Variants in PPP3CC observed in about 807,000 individuals in gnomAD.
PPP3CC encodes the protein protein phosphatase 3 catalytic subunit gamma, also known as serine/threonine-protein phosphatase 2B catalytic subunit gamma isoform.
Under a neutral mutation model 60.3 loss-of-function variants are expected in PPP3CC, and 35 were observed. That is an observed-to-expected ratio of 0.58 (90% CI 0.44 to 0.77). The LOEUF (loss-of-function observed/expected upper bound fraction) is 0.77, where lower values mean the gene tolerates loss of function less well. Among genes scored for constraint, PPP3CC ranks in the 30% least tolerant of loss-of-function variants. PPP3CC has a pLI of 0.00. For missense variants in PPP3CC, 570 were observed against 628.9 expected (o/e 0.91, Z 1.00); for synonymous variants, 206 against 224.3 (o/e 0.92, Z 0.73).
At chr8:22,503,282 T>G (rs1314213993) in intron 4 of PPP3CC, among the ~76,000 whole-genome samples, 1 of 152,190 alleles carries the variant, frequency 6.6e-6, no homozygotes, top group Non-Finnish European at 1.5e-5. Flanking sequence ...TTTTATTTTA[T>G]ATTATTTTTC....
intron 3 of PPP3CC, among the ~76,000 whole-genome samples, chr8:22,479,698 C>G (rs1367890540): frequency 6.8e-6 from 1 of 147,566 alleles, no homozygotes; most frequent in African/African-American, 2.5e-5. Flanking sequence ...GAGCCCAGAT[C>G]GCCCCACTGC....
At chr8:22,529,664 A>T (rs1224237480) in intron 10 of PPP3CC, among the ~76,000 whole-genome samples, 1 of 151,838 alleles carries the variant, frequency 6.6e-6, no homozygotes, top group African/African-American at 2.4e-5. Flanking sequence ...TTGTATTTTT[A>T]GTATAGATGG....
Position 22,527,509 on chromosome 8 carries a change from G to A in PPP3CC, c.1061G>A (p.Gly354Glu), listed in dbSNP as rs1384713539. ...DVFTWSLPFV[G>E]EKVTEMLVNV... is the part of the protein sequence containing the mutation. Reference sequence around the variant, plus strand: ...TTCACATGGTCTTTGCCTTTTGTTGGGGAAAAAGGTAAGAGAACTAAAGCA... The same window carrying A: ...TTCACATGGTCTTTGCCTTTTGTTGAGGAAAAAGGTAAGAGAACTAAAGCA... The change falls in exon 9 of 14, where the codon GGG becomes GAG. Residue 354 changes from glycine (G) to glutamate (E), a missense_variant. Physicochemically the swap from Gly to Glu is moderately conservative, Grantham distance 98 (BLOSUM62 -2). Coordinates refer to ENST00000240139, the MANE Select transcript of PPP3CC (RefSeq NM_005605.5). The A allele has an allele frequency of 1.2e-6, 2 of 1,613,734 alleles. No homozygotes were observed. The highest frequency in any genetic ancestry group is 1.3e-5 in the African/African-American group (1 of 75,016).
intron 3 of PPP3CC, among the ~76,000 whole-genome samples, chr8:22,497,495 T>C (rs1314756304): frequency 3.3e-5 from 5 of 152,184 alleles, no homozygotes. Flanking sequence ...TATATCCTGC[T>C]AGTTTACTGA....
chr8:22,442,442 T>TA (rs1238316491), intron 1 of PPP3CC, among the ~76,000 whole-genome samples: 1 of 152,216 alleles, frequency 6.6e-6, no homozygotes, highest in African/African-American at 2.4e-5. Context: ...GTGACGGGAA[T>TA]ACATTTTTAA....
At chr8:22,493,319 A>G (rs560756484) in intron 3 of PPP3CC, among the ~76,000 whole-genome samples, 1 of 152,166 alleles carries the variant, frequency 6.6e-6, no homozygotes, top group Admixed American at 6.5e-5. Context: ...ATTAAGCTGA[A>G]GAATCCTGGG....
rs527371978 is a variant in PPP3CC, at chr8:22,441,118, C to G, written c.-292C>G. On this transcript the variant is annotated 5_prime_UTR_variant, in exon 1 of 14. Coordinates refer to ENST00000240139, the MANE Select transcript of PPP3CC (RefSeq NM_005605.5). ...CGGGCCGCGAGCAGCCGCGGCCGTCCCGGTCGCCACCCTTAGCAGCGGTCG... is the reference window on the plus strand; with the variant it reads ...CGGGCCGCGAGCAGCCGCGGCCGTCGCGGTCGCCACCCTTAGCAGCGGTCG... 7.4e-5 allele frequency: 22 copies of G among 297,760 alleles called. 1 individual carries two copies. Among genetic ancestry groups the G allele is most frequent in the Non-Finnish European group, 1.1e-4 (18 of 161,860 alleles). The allele number at this position is 297,760 out of a possible 1,614,324, so 18.4% of individuals were successfully genotyped here.
At chr8:22,510,337 A>G (rs892589429) in intron 4 of PPP3CC, among the ~76,000 whole-genome samples, 5 of 152,232 alleles carry the variant, frequency 3.3e-5, no homozygotes, top group African/African-American at 1.2e-4. Flanking sequence ...TAGAGAAAAT[A>G]GAATCAAGAC....
chr8:22,500,744 T>C (rs1838737339), intron 4 of PPP3CC, among the ~76,000 whole-genome samples: 1 of 152,198 alleles, frequency 6.6e-6, no homozygotes, highest in Admixed American at 6.5e-5. Context: ...CTGTCAAAAG[T>C]CAGCTGCAAG....
chr8:22,474,209 A>G (rs1837818292), intron 1 of PPP3CC, among the ~76,000 whole-genome samples: 1 of 152,148 alleles, frequency 6.6e-6, no homozygotes, highest in African/African-American at 2.4e-5. Flanking sequence ...CTTCTAAAAC[A>G]TAGGTGTCAT....
intron 1 of PPP3CC, among the ~76,000 whole-genome samples, chr8:22,452,660 A>C (rs1048913547): frequency 4.6e-5 from 7 of 152,296 alleles, no homozygotes; most frequent in Non-Finnish European, 1.0e-4. Flanking sequence ...TGCCCAGCTC[A>C]AATTCTTTTA....
Position 22,527,335 on chromosome 8 carries a change from A to G in PPP3CC, c.944-57A>G. On this transcript the variant is annotated intron_variant, in intron 8 of 13. Coordinates refer to ENST00000240139, the MANE Select transcript of PPP3CC (RefSeq NM_005605.5). ...GCAGGTACACAGCTGTACAAAGCAT[A>G]CCACTTGCCATGCCATGTTCCTCTG... 1.9e-6 allele frequency: 3 copies of G among 1,583,782 alleles called. 1 individual carries two copies. Among genetic ancestry groups the G allele is most frequent in the South Asian group, 1.1e-5 (1 of 88,902 alleles).
chr8:22,452,743 T>A (rs1308585936), intron 1 of PPP3CC, among the ~76,000 whole-genome samples: 2 of 152,194 alleles, frequency 1.3e-5, no homozygotes, highest in Non-Finnish European at 2.9e-5. Context: ...AGAGGGATAA[T>A]GAAACTTGCA....
chr8:22,467,187 GA>G (rs1275876326), intron 1 of PPP3CC, among the ~76,000 whole-genome samples: 1 of 151,760 alleles, frequency 6.6e-6, no homozygotes, highest in African/African-American at 2.4e-5. Context: ...CTACCTAGGA[GA>G]AAATAAAAAA....
At chr8:22,473,678 G>A (rs2132465960) in intron 1 of PPP3CC, among the ~76,000 whole-genome samples, 1 of 152,086 alleles carries the variant, frequency 6.6e-6, no homozygotes, top group Middle Eastern at 3.4e-3. Flanking sequence ...TGGCCAGGCT[G>A]GTTTTGAACT....
At chr8:22,475,372 GTTTTACA>G (rs1837855811) in intron 2 of PPP3CC, 121 bp from the exon 3 acceptor site, 1 of 1,155,804 alleles carries the variant, frequency 8.7e-7, no homozygotes, top group African/African-American at 1.5e-5. Context: ...ATTGACTACA[GTTTTACA>G]GCAGTCCTGT....
chr8:22,449,950 T>A (rs1158085246), intron 1 of PPP3CC, among the ~76,000 whole-genome samples: 1 of 150,052 alleles, frequency 6.7e-6, no homozygotes, highest in Admixed American at 6.7e-5. Flanking sequence ...CACTGCAACC[T>A]CTGTCTCCCG....
chr8:22,473,495 G>T (rs1837793257), intron 1 of PPP3CC, among the ~76,000 whole-genome samples: 1 of 145,458 alleles, frequency 6.9e-6, no homozygotes. Flanking sequence ...ACGGAGTCTT[G>T]CTCTGTCGCC....
At chr8:22,464,878 C>T (rs140407878) in intron 1 of PPP3CC, among the ~76,000 whole-genome samples, 8 of 152,058 alleles carry the variant, frequency 5.3e-5, no homozygotes, top group East Asian at 3.9e-4. Context: ...GCCAAGAGAC[C>T]GAGGCAGAAT....
Sources: allele counts gnomAD v4.1 joint callset (sites outside exome capture counted in the v4.1 genomes callset), GRCh38; gene constraint gnomAD v4.1.1; transcripts MANE v1.5; gene names NCBI Gene and HGNC (gene_info 2026-07-23, HGNC 2026-07-21).